MAEL: variants seen among roughly 807,000 people sequenced by gnomAD.
MAEL encodes maelstrom spermatogenic transposon silencer, also known as protein maelstrom homolog.
Under a neutral mutation model 62.0 loss-of-function variants are expected in MAEL, and 46 were observed. That is an observed-to-expected ratio of 0.74 (90% CI 0.59 to 0.95). The LOEUF is 0.95. Among genes scored for constraint, MAEL ranks in the 40% least tolerant of loss-of-function variants. MAEL has a pLI of 0.00. For synonymous variants in MAEL, 172 were observed against 175.5 expected (o/e 0.98, Z 0.16); for missense variants, 497 against 526.8 (o/e 0.94, Z 0.55).
chr1:166,997,382 A>G (rs192810075), intron 5 of MAEL, among the ~76,000 whole-genome samples: 8 of 152,198 alleles, frequency 5.3e-5, no homozygotes, highest in Admixed American at 2.0e-4. Flanking sequence ...CTCGTTTTCT[A>G]TTGAATCATT....
At position 167,016,396 on chromosome 1, in the gene MAEL, C is replaced by G. The variant is rs2102127470; in HGVS notation, c.908+112C>G. The G allele has an allele frequency of 6.4e-6, 6 of 934,612 alleles. No individual in the cohort carries two copies. In the South Asian group the frequency reaches 7.1e-5, roughly 11 times the overall value. 57.9% of individuals were successfully genotyped at this position (934,612 alleles called of 1,614,324 possible). ...GGGGTAACTCTGTTTCCACAATGCT[C>G]TTTCAAAACAAAGGGGGTCAAATCA... is the stretch of plus-strand genomic sequence containing the variant. On this transcript the variant is annotated intron_variant, in intron 9 of 11. Transcript: ENST00000367872.
At chr1:166,991,513 T>C (rs770015392) in intron 3 of MAEL, 36 bp downstream of exon 3, 19 of 1,261,516 alleles carry the variant, frequency 1.5e-5, no homozygotes, top group Non-Finnish European at 1.7e-5. Context: ...TGAGATAAAT[T>C]TGAGTGCCCA....
In MAEL at chr1:166,994,040, G is replaced by A. The variant is rs199624416; in HGVS notation, c.494G>A (p.Arg165Gln). The A allele has an allele frequency of 1.4e-4, 221 of 1,612,710 alleles. No homozygotes were observed. Among genetic ancestry groups the A allele is most frequent in the Non-Finnish European group, 4.0e-5 (47 of 1,179,492 alleles). The stretch of plus-strand genomic sequence containing the variant: ...TTTTGTATTATAGGTGAAATTCCAC[G>A]AGGATTTCGATTTCATTGTCAGGCT... The part of the protein sequence containing the change: ...HSFINPGEIP[R>Q]GFRFHCQAAS... Residue 165 changes from arginine to glutamine, a missense_variant, in exon 5 of 12, where the codon CGA becomes CAA. Physicochemically the swap from Arg to Gln is conservative, Grantham distance 43 (BLOSUM62 1). Transcript: ENST00000367872.
chr1:167,020,751 G>C (rs1451440963), intron 10 of MAEL, among the ~76,000 whole-genome samples: 1 of 151,862 alleles, frequency 6.6e-6, no homozygotes, highest in African/African-American at 2.4e-5. Context: ...TTGTATATTA[G>C]ATTTCCTTCC....
At chr1:167,019,172 G>A (rs750426499) in intron 10 of MAEL, among the ~76,000 whole-genome samples, 6 of 152,048 alleles carry the variant, frequency 3.9e-5, no homozygotes, top group Non-Finnish European at 8.8e-5. Context: ...TGGGGAGGGG[G>A]TGCCCCTGGC....
intron 8 of MAEL, among the ~76,000 whole-genome samples, chr1:167,012,120 A>G (rs1051528125): frequency 6.6e-6 from 1 of 152,222 alleles, no homozygotes; most frequent in African/African-American, 2.4e-5. Flanking sequence ...AGTATACAAT[A>G]GAAACTGTTA....
At chr1:167,005,151 C>T in intron 7 of MAEL, 21 bp downstream of exon 7, 2 of 1,613,160 alleles carry the variant, frequency 1.2e-6, no homozygotes, top group Non-Finnish European at 1.7e-6. Flanking sequence ...CTCTGGGTTG[C>T]TGCAGAAGTG....
intron 8 of MAEL, among the ~76,000 whole-genome samples, chr1:167,007,962 C>T (rs765362985): frequency 6.6e-6 from 1 of 151,808 alleles, no homozygotes; most frequent in Admixed American, 6.6e-5. Context: ...TAGTTAAGTT[C>T]GTTTGCTTGT....
chr1:167,009,321 T>G (rs141428283), intron 8 of MAEL, among the ~76,000 whole-genome samples: 59 of 152,312 alleles, frequency 3.9e-4, no homozygotes, highest in African/African-American at 1.3e-3. Context: ...GTGTACACCA[T>G]ATTTCCTTGA....
chr1:167,015,208 CTTAA>C (rs889126955), intron 8 of MAEL, among the ~76,000 whole-genome samples: 12 of 152,014 alleles, frequency 7.9e-5, no homozygotes, highest in African/African-American at 2.7e-4. Flanking sequence ...TTTTTGTTTT[CTTAA>C]TTTTTATTTT....
chr1:166,983,635 A>T (rs1238496350), intron 1 of MAEL, among the ~76,000 whole-genome samples: 2 of 152,218 alleles, frequency 1.3e-5, no homozygotes, highest in Admixed American at 6.5e-5. Flanking sequence ...ATAGAAAAAA[A>T]TCAATCTGGT....
chr1:166,993,999 G>T (rs1186104679), intron 4 of MAEL, 29 bp from the exon 5 acceptor site: 11 of 1,601,958 alleles, frequency 6.9e-6, no homozygotes, highest in Non-Finnish European at 9.4e-6. Flanking sequence ...TAAAATTTTT[G>T]CTTCTCAACA....
chr1:167,007,593 G>GTGTA (rs1248472915), intron 8 of MAEL, among the ~76,000 whole-genome samples: 1 of 77,352 alleles, frequency 1.3e-5, no homozygotes, highest in Non-Finnish European at 2.7e-5. Flanking sequence ...GTGTGTGTGT[G>GTGTA]TGTGTATGTA....
At position 166,980,621 on chromosome 1, in the gene MAEL, T is replaced by C. The variant is rs560220254; in HGVS notation, c.-121+4955T>C. Among the ~76,000 whole-genome samples the C allele has an allele frequency of 2.7e-4, 41 of 152,350 alleles. No individual in the cohort carries two copies. The South Asian group carries it at 8.3e-3, about 31-fold the overall frequency. The stretch of plus-strand genomic sequence containing the variant: ...GAGCTTTTACTGACAGTGCAACCTA[T>C]AATTTCTCTGAAAGTTACAGAGCCA... On this transcript the variant is annotated intron_variant, in intron 1 of 12. Transcript: ENST00000622874.
chr1:166,979,769 G>A (rs1251725085), intron 1 of MAEL, among the ~76,000 whole-genome samples: 1 of 152,134 alleles, frequency 6.6e-6, no homozygotes, highest in East Asian at 1.9e-4. Context: ...TGCTTTGTGT[G>A]CCCCATCCTA....
At chr1:166,989,679 C>T in intron 1 of MAEL, 58 bp from the exon 2 acceptor site, 1 of 1,554,466 alleles carries the variant, frequency 6.4e-7, no homozygotes, top group Non-Finnish European at 8.8e-7. Context: ...GCCTGCGGGC[C>T]CTAGAGCACG....
chr1:167,002,363 C>T (rs751432277), intron 5 of MAEL, among the ~76,000 whole-genome samples: 1 of 152,018 alleles, frequency 6.6e-6, no homozygotes, highest in Non-Finnish European at 1.5e-5. Context: ...ACATAATAAG[C>T]CTAGTTATTT....
chr1:166,984,333 T>TCTTAATG (rs760614265), upstream of MAEL, among the ~76,000 whole-genome samples: 15 of 152,286 alleles, frequency 9.8e-5, no homozygotes, highest in Non-Finnish European at 1.5e-4. Flanking sequence ...CCATGCCCAT[T>TCTTAATG]CTTAATGCTT....
chr1:167,004,345 T>C lies in MAEL; in HGVS notation c.648+41T>C, dbSNP rs1367600893. ...GAAGTTCTTTTAAGGTATCAATTTA[T>C]AGTACCAAAAGATCCATAAAACAAA... is the stretch of plus-strand genomic sequence containing the variant. On this transcript the variant is annotated intron_variant, in intron 6 of 11. Coordinates refer to ENST00000367872, the MANE Select transcript of MAEL (RefSeq NM_032858.3). The C allele has an allele frequency of 3.3e-6, 5 of 1,535,962 alleles. No homozygotes were observed. In the African/African-American group the frequency reaches 5.6e-5, roughly 17 times the overall value.
Sources: gnomAD v4.1 joint callset for allele counts (sites outside exome capture counted in the v4.1 genomes callset) on GRCh38, gnomAD v4.1.1 for gene constraint, MANE v1.5 for transcripts, NCBI Gene and HGNC (gene_info 2026-07-23, HGNC 2026-07-21) for gene names.